The following APBB1IP variants were observed in gnomAD, a reference collection of about 807,000 sequenced individuals.
The protein encoded by APBB1IP is amyloid beta precursor protein binding family B member 1 interacting protein, also known as amyloid beta A4 precursor protein-binding family B member 1-interacting protein.
In APBB1IP, 27 loss-of-function variants were observed where a neutral mutation model predicts 64.9. The ratio of observed to expected loss-of-function variants is 0.42; its 90% CI spans 0.31 to 0.57. The LOEUF (loss-of-function observed/expected upper bound fraction) is 0.57. Among genes scored for constraint, APBB1IP ranks in the 20% least tolerant of loss-of-function variants. APBB1IP has a pLI of 0.20. For missense variants in APBB1IP, 812 were observed against 845.5 expected, an observed-to-expected ratio of 0.96 and a Z score of 0.49; for synonymous variants, 392 against 331.0, an observed-to-expected ratio of 1.18 and a Z score of -2.00.
At chr10:26,453,650 G>T (rs928791286) in intron 2 of APBB1IP, among the ~76,000 whole-genome samples, 1 of 152,100 alleles carries the variant, frequency 6.6e-6, no homozygotes, top group African/African-American at 2.4e-5. Context: ...CTGGGCTATA[G>T]CACAGACTCT....
At chr10:26,560,931 CT>C (rs1297550157) in intron 13 of APBB1IP, 87 bp downstream of exon 13, 9 of 940,650 alleles carry the variant, frequency 9.6e-6, no homozygotes, top group African/African-American at 1.6e-5. Context: ...ACAAACAGGA[CT>C]TTGTACACAG....
At chr10:26,543,396 G>C (rs975203152) in intron 11 of APBB1IP, among the ~76,000 whole-genome samples, 9 of 151,522 alleles carry the variant, frequency 5.9e-5, no homozygotes, top group Non-Finnish European at 1.2e-4. Flanking sequence ...GAACCCGGGA[G>C]GCGGAGGTTG....
chr10:26,562,520 C>T (rs1836986784), intron 14 of APBB1IP, 91 bp downstream of exon 14: 2 of 1,106,918 alleles, frequency 1.8e-6, no homozygotes, highest in East Asian at 4.9e-5. Flanking sequence ...AGAAAATAAG[C>T]TGAGTGCAGT....
chr10:26,517,446 TC>T (rs1158713762), intron 8 of APBB1IP, among the ~76,000 whole-genome samples: 19 of 152,226 alleles, frequency 1.2e-4, no homozygotes, highest in Non-Finnish European at 2.4e-4. Flanking sequence ...TCACAGTACT[TC>T]TTTCTTTTTG....
intron 2 of APBB1IP, among the ~76,000 whole-genome samples, chr10:26,489,086 T>G (rs1212726633): frequency 2.0e-5 from 3 of 152,160 alleles, no homozygotes; most frequent in African/African-American, 7.2e-5. Context: ...GCAAGACACC[T>G]CCTACACTGG....
chr10:26,467,389 G>A (rs1478594247), intron 2 of APBB1IP, among the ~76,000 whole-genome samples: 4 of 152,206 alleles, frequency 2.6e-5, no homozygotes, highest in East Asian at 1.9e-4. Flanking sequence ...CTGTAGAGCA[G>A]TGGTTCTCAA....
At chr10:26,517,812 TG>T (rs1836351160) in intron 8 of APBB1IP, among the ~76,000 whole-genome samples, 1 of 152,218 alleles carries the variant, frequency 6.6e-6, no homozygotes, top group African/African-American at 2.4e-5. Context: ...GTTTCTAGCG[TG>T]GGGCTTTAAC....
At chr10:26,459,160 A>T (rs371695962) in intron 2 of APBB1IP, among the ~76,000 whole-genome samples, 1 of 138,650 alleles carries the variant, frequency 7.2e-6, no homozygotes, top group Non-Finnish European at 1.5e-5. Flanking sequence ...TCATTGTTCA[A>T]TTCCCACCTA....
intron 8 of APBB1IP, among the ~76,000 whole-genome samples, chr10:26,532,736 T>G (rs1407373151): frequency 6.6e-6 from 1 of 152,156 alleles, no homozygotes; most frequent in Non-Finnish European, 1.5e-5. Flanking sequence ...ACAATCCTCC[T>G]GCCTCAGCCT....
intron 8 of APBB1IP, among the ~76,000 whole-genome samples, chr10:26,526,251 TAA>T (rs1467789930): frequency 4.6e-5 from 7 of 152,156 alleles, no homozygotes; most frequent in African/African-American, 1.7e-4. Flanking sequence ...AAGGAATTGG[TAA>T]AGTCAGTTCA....
chr10:26,439,768 G>T (rs1172950955), intron 2 of APBB1IP, among the ~76,000 whole-genome samples: 1 of 152,210 alleles, frequency 6.6e-6, no homozygotes, highest in African/African-American at 2.4e-5. Context: ...TATGCCCCCA[G>T]ATGTTTTTTT....
At chr10:26,481,524 A>C (rs1211338016) in intron 2 of APBB1IP, among the ~76,000 whole-genome samples, 1 of 151,968 alleles carries the variant, frequency 6.6e-6, no homozygotes, top group Non-Finnish European at 1.5e-5. Flanking sequence ...ACACTTTGTC[A>C]CTCAGGCTAG....
chr10:26,456,612 A>C (rs1255201091), intron 2 of APBB1IP, among the ~76,000 whole-genome samples: 2 of 151,888 alleles, frequency 1.3e-5, no homozygotes, highest in African/African-American at 4.8e-5. Flanking sequence ...TGTGGCGAGC[A>C]TCTGTATTCC....
chr10:26,535,613 A>G (rs1187095515), intron 9 of APBB1IP, among the ~76,000 whole-genome samples: 1 of 152,184 alleles, frequency 6.6e-6, no homozygotes, highest in Non-Finnish European at 1.5e-5. Context: ...GTAGAATTAT[A>G]TATAATAATT....
chr10:26,547,256 T>C (rs1362145066), intron 11 of APBB1IP, among the ~76,000 whole-genome samples: 1 of 152,252 alleles, frequency 6.6e-6, no homozygotes, highest in Non-Finnish European at 1.5e-5. Flanking sequence ...ATTTGGGTTT[T>C]TTGCTAGTGA....
At chr10:26,526,866 C>T (rs953943566) in intron 8 of APBB1IP, among the ~76,000 whole-genome samples, 3 of 152,190 alleles carry the variant, frequency 2.0e-5, no homozygotes, top group African/African-American at 7.2e-5. Flanking sequence ...TTTTATTCCA[C>T]AGATTATTCT....
At chr10:26,564,402 A>G (rs1837012951) in intron 14 of APBB1IP, among the ~76,000 whole-genome samples, 1 of 152,188 alleles carries the variant, frequency 6.6e-6, no homozygotes, top group Non-Finnish European at 1.5e-5. Context: ...TTCAGAACTC[A>G]CATATTTATC....
At chr10:26,524,650 T>A (rs1836447503) in intron 8 of APBB1IP, among the ~76,000 whole-genome samples, 1 of 152,164 alleles carries the variant, frequency 6.6e-6, no homozygotes, top group Non-Finnish European at 1.5e-5. Flanking sequence ...GAGACTTACA[T>A]GTCATAGGTG....
At chr10:26,514,445 A>G (rs1158183867) in intron 8 of APBB1IP, among the ~76,000 whole-genome samples, 2 of 152,252 alleles carry the variant, frequency 1.3e-5, no homozygotes, top group African/African-American at 2.4e-5. Context: ...TGTGCAAGTA[A>G]AAAGCATAAA....
Sources: gnomAD v4.1 joint callset for allele counts (sites outside exome capture counted in the v4.1 genomes callset) on GRCh38, gnomAD v4.1.1 for gene constraint, MANE v1.5 for transcripts, NCBI Gene and HGNC (gene_info 2026-07-23, HGNC 2026-07-21) for gene names.